Variants in BARD1 observed in about 807,000 individuals in gnomAD.
The protein encoded by BARD1 is BRCA1 associated RING domain 1.
In BARD1, 73 loss-of-function variants were observed where a neutral mutation model predicts 77.0. The observed-to-expected ratio is 0.95, with a 90% CI of 0.79 to 1.15. BARD1 has a LOEUF of 1.15. BARD1 is among the 50% of genes most tolerant of loss of function. BARD1 has a pLI of 0.00. For synonymous variants in BARD1, 384 were observed against 338.0 expected, an observed-to-expected ratio of 1.14 and a Z score of -1.49; for missense variants, 993 against 938.8, an observed-to-expected ratio of 1.06 and a Z score of -0.75.
chr2:214,770,813 T>A (rs1387768468), intron 4 of BARD1, among the ~76,000 whole-genome samples: 1 of 152,174 alleles, frequency 6.6e-6, no homozygotes, highest in Non-Finnish European at 1.5e-5. Flanking sequence ...TGGTCTCAGG[T>A]AGTCTGCCCT....
intron 1 of BARD1, among the ~76,000 whole-genome samples, chr2:214,797,806 A>G (rs1199624220): frequency 2.0e-5 from 3 of 152,236 alleles, no homozygotes; most frequent in African/African-American, 4.8e-5. Flanking sequence ...AACAGAAATC[A>G]TCAGATTAGC....
At chr2:214,800,972 GA>G (rs995269139) in intron 1 of BARD1, among the ~76,000 whole-genome samples, 18 of 148,578 alleles carry the variant, frequency 1.2e-4, no homozygotes, top group Admixed American at 7.3e-4. Flanking sequence ...ATCTAAAATG[GA>G]AAAAAAAATA....
intron 9 of BARD1, chr2:214,731,258 C>T (rs531851549): frequency 6.4e-6 from 1 of 156,472 alleles, no homozygotes; most frequent in South Asian, 1.9e-4. Context: ...TGCTTGGCAC[C>T]TGGGTGGGGA....
At chr2:214,804,854 T>G (rs927488540) in intron 1 of BARD1, among the ~76,000 whole-genome samples, 1 of 152,140 alleles carries the variant, frequency 6.6e-6, no homozygotes, top group East Asian at 1.9e-4. Context: ...GCAACCTGGC[T>G]CCATTTTAAA....
At position 214,727,618 on chromosome 2, in the gene BARD1, T is replaced by C. The variant is rs74772705; in HGVS notation, c.*1058A>G. 14,041 of 231,822 alleles carry C rather than the reference T, an allele frequency of 0.061. 607 individuals carry two copies. Among genetic ancestry groups the C allele is most frequent in the African/African-American group, 0.13 (6,012 of 45,308 alleles). The allele number at this position is 231,822 out of a possible 1,614,324, so 14.4% of individuals were successfully genotyped here. The stretch of plus-strand genomic sequence containing the variant: ...GCCCACTCACTAAGGCCTTGCCTAT[T>C]TGATATTAGTAAGCCCTCCCCATAC... On this transcript the variant is annotated 3_prime_UTR_variant, in exon 11 of 11. Coordinates refer to ENST00000260947, the MANE Select transcript of BARD1 (RefSeq NM_000465.4).
At chr2:214,769,152 GA>G (rs1360091524) in intron 5 of BARD1, 79 bp downstream of exon 5, 1 of 1,171,886 alleles carries the variant, frequency 8.5e-7, no homozygotes, top group East Asian at 2.4e-5. Context: ...GGCAGAGGAT[GA>G]TATATAGACA....
At chr2:214,791,346 C>T (rs1223653977) in intron 3 of BARD1, among the ~76,000 whole-genome samples, 1 of 152,130 alleles carries the variant, frequency 6.6e-6, no homozygotes, top group Non-Finnish European at 1.5e-5. Context: ...AATAAGACAT[C>T]ATGGCAGGAT....
At chr2:214,798,346 T>C (rs531672825) in intron 1 of BARD1, among the ~76,000 whole-genome samples, 1 of 152,228 alleles carries the variant, frequency 6.6e-6, no homozygotes, top group African/African-American at 2.4e-5. Context: ...AACGTACAGA[T>C]AAAAATATGA....
At chr2:214,757,951 G>A (rs1693773713) in intron 6 of BARD1, among the ~76,000 whole-genome samples, 1 of 152,296 alleles carries the variant, frequency 6.6e-6, no homozygotes. Flanking sequence ...AGGAAAAAAG[G>A]GGGTAAAGGG....
At chr2:214,775,254 TA>T (rs59610369) in intron 4 of BARD1, among the ~76,000 whole-genome samples, 4,072 of 152,290 alleles carry the variant, frequency 0.027, 181 homozygotes, top group African/African-American at 0.093. Flanking sequence ...GCTTCTTATA[TA>T]AAGTAAGAGA....
intron 3 of BARD1, among the ~76,000 whole-genome samples, chr2:214,782,476 CAT>C (rs774771836): frequency 1.9e-4 from 28 of 150,300 alleles, no homozygotes; most frequent in African/African-American, 4.4e-4. Flanking sequence ...ATTTTTTCTA[CAT>C]ATATATATAT....
rs531774046 is a variant in BARD1, at chr2:214,801,887, TC to T, written c.159-4771del. Among the ~76,000 whole-genome samples, 883 of 143,928 alleles carry T rather than the reference TC, an allele frequency of 6.1e-3. 5 individuals carry two copies. The highest frequency in any genetic ancestry group is 9.1e-3 in the Non-Finnish European group (607 of 66,384). The allele number at this position is 143,928 out of a possible 152,430, so 94.4% of individuals were successfully genotyped here. A position where few individuals can be genotyped will look rare whatever the true frequency, so the allele number is the denominator to read the frequency against. On this transcript the variant is annotated intron_variant, in intron 1 of 10. Transcript: ENST00000260947. Reference sequence around the variant, plus strand: ...TGTTTTTGTTTTTTTTAAAACAAGATCTTGCTCTGTCGCCCAGGCTGGAGTA... The same window carrying T: ...TGTTTTTGTTTTTTTTAAAACAAGATTTGCTCTGTCGCCCAGGCTGGAGTA...
In BARD1 at chr2:214,801,496, T is replaced by C. The variant is rs114416543; in HGVS notation, c.159-4379A>G. 3.5e-3 allele frequency among the ~76,000 whole-genome samples: 529 copies of C among 152,340 alleles called. 3 individuals carry two copies. The highest frequency in any genetic ancestry group is 4.8e-3 in the Non-Finnish European group (326 of 68,042). Reference sequence around the variant, plus strand: ...TTTACCATTAAAAAAAAATTTACTATTAAAAAGTTCTTCACAATCTGTAAC... The same window carrying C: ...TTTACCATTAAAAAAAAATTTACTACTAAAAAGTTCTTCACAATCTGTAAC... On this transcript the variant is annotated intron_variant, in intron 1 of 10. Coordinates refer to ENST00000260947, the MANE Select transcript of BARD1 (RefSeq NM_000465.4).
At chr2:214,777,476 T>C (rs1694785282) in intron 4 of BARD1, among the ~76,000 whole-genome samples, 2 of 152,188 alleles carry the variant, frequency 1.3e-5, no homozygotes, top group African/African-American at 4.8e-5. Flanking sequence ...AGCGCAAACA[T>C]GTGCTCAAAC....
Position 214,799,625 on chromosome 2 carries a change from T to C in BARD1, c.159-2508A>G, listed in dbSNP as rs188346238. On this transcript the variant is annotated intron_variant, in intron 1 of 10. Transcript: ENST00000260947. ...CTATAGTTCCCATATCTTTTCTGCCTCCCAAAGCACTAGATATTCATAATA... is the reference window on the plus strand; with the variant it reads ...CTATAGTTCCCATATCTTTTCTGCCCCCCAAAGCACTAGATATTCATAATA... 4.9e-3 allele frequency among the ~76,000 whole-genome samples: 741 copies of C among 152,286 alleles called. 11 individuals carry two copies. Among genetic ancestry groups the C allele is most frequent in the South Asian group, 0.032 (156 of 4,820 alleles).
chr2:214,771,528 G>T (rs926284861), intron 4 of BARD1, among the ~76,000 whole-genome samples: 2 of 151,990 alleles, frequency 1.3e-5, no homozygotes, highest in Admixed American at 1.3e-4. Context: ...AGGAGTTTGA[G>T]ATCAGCCTAG....
intron 1 of BARD1, among the ~76,000 whole-genome samples, chr2:214,802,043 G>A (rs1232714328): frequency 6.6e-6 from 1 of 152,098 alleles, no homozygotes; most frequent in Admixed American, 6.5e-5. Context: ...TAGAGGTGGG[G>A]TTTTGCCATG....
At chr2:214,731,137 G>GA (rs34664471) in intron 9 of BARD1, 126,370 of 199,762 alleles carry the variant, frequency 0.63, 38,064 homozygotes, top group East Asian at 0.81. Context: ...GGCTTTGCAG[G>GA]AAAAAAAAAA....
chr2:214,761,817 T>A (rs1693978826), intron 6 of BARD1, among the ~76,000 whole-genome samples: 1 of 152,182 alleles, frequency 6.6e-6, no homozygotes, highest in Non-Finnish European at 1.5e-5. Flanking sequence ...GGGTCAGTAC[T>A]TTTTTAAAAA....
Sources: gnomAD v4.1 joint callset for allele counts (sites outside exome capture counted in the v4.1 genomes callset) on GRCh38, gnomAD v4.1.1 for gene constraint, MANE v1.5 for transcripts, NCBI Gene and HGNC (gene_info 2026-07-23, HGNC 2026-07-21) for gene names.